DSC2: variants seen among roughly 807,000 people sequenced by gnomAD.
DSC2 encodes desmocollin 2, also known as desmocollin-2.
DSC2 carries 51 observed loss-of-function variants against 87.6 expected under a neutral mutation model. The observed-to-expected ratio is 0.58, with a 90% CI of 0.46 to 0.74. The LOEUF is 0.74. DSC2 is among the 30% of genes least tolerant of loss of function. The pLI is 0.00. For missense variants in DSC2, 1,066 were observed against 1,089.5 expected (o/e 0.98, Z 0.30); for synonymous variants, 383 against 393.2 (o/e 0.97, Z 0.31).
In DSC2 at chr18:31,065,781, G is replaced by A. The variant is rs1986600615; in HGVS notation, c.*2234C>T. 6.6e-6 allele frequency: 1 copy of A among 152,140 alleles called. No homozygotes were observed. 9.4% of individuals were successfully genotyped at this position (152,140 alleles called of 1,614,324 possible). Reference sequence around the variant, plus strand: ...AATTTGAACCTTACAGTTTCACAGTGTTTCAAACCAGGCAATCCCATACGA... The same window carrying A: ...AATTTGAACCTTACAGTTTCACAGTATTTCAAACCAGGCAATCCCATACGA... On this transcript the variant is annotated 3_prime_UTR_variant, in exon 16 of 16. Transcript: ENST00000280904.
In DSC2 at chr18:31,074,755, G is replaced by T. The variant is rs1598575823; in HGVS notation, c.1816C>A (p.Pro606Thr). The stretch of plus-strand genomic sequence containing the variant: ...CTCTCCAGACTAAAGTCAAAGGGTG[G>T]GCCATGGATAGGCTCATCAGGATCA... Reference protein sequence around the residue: ...AVDPDEPIHGPPFDFSLESST... With the variant: ...AVDPDEPIHGTPFDFSLESST... The change falls in exon 12 of 16, where the codon CCA becomes ACA. Residue 606 changes from proline to threonine, a missense_variant. Transcript: ENST00000280904. The T allele has an allele frequency of 6.2e-7, 1 of 1,613,914 alleles. No homozygotes were observed. The highest frequency in any genetic ancestry group is 8.5e-7 in the Non-Finnish European group (1 of 1,179,970).
chr18:31,067,375 C>G lies in DSC2; in HGVS notation c.*640G>C, dbSNP rs886053691. 6.6e-6 allele frequency: 1 copy of G among 151,688 alleles called. No homozygotes were observed. The highest frequency in any genetic ancestry group is 1.5e-5 in the Non-Finnish European group (1 of 67,902). The allele number at this position is 151,688 out of a possible 1,614,324, so 9.4% of individuals were successfully genotyped here. A position where few individuals can be genotyped will look rare whatever the true frequency, so the allele number is the denominator to read the frequency against. On this transcript the variant is annotated 3_prime_UTR_variant, in exon 16 of 16. Coordinates refer to ENST00000280904, the MANE Select transcript of DSC2 (RefSeq NM_024422.6). Reference sequence around the variant, plus strand: ...AATACATTCTGAAAGTATTTTAAAACTTAAATTTCACTGGCAAAAGTAGGT... The same window carrying G: ...AATACATTCTGAAAGTATTTTAAAAGTTAAATTTCACTGGCAAAAGTAGGT...
chr18:31,091,643 C>A, intron 3 of DSC2: 1 of 457,762 alleles, frequency 2.2e-6, no homozygotes, highest in South Asian at 1.5e-5. Flanking sequence ...TGGTTGAATA[C>A]AAGTTATTTT....
rs1044024376 is a variant in DSC2, at chr18:31,065,718, G to A, written c.*2297C>T. On this transcript the variant is annotated 3_prime_UTR_variant, in exon 16 of 16. Transcript: ENST00000280904. ...TAATTTTCATAGGGTGTTAGAATTA[G>A]TGCCCATTTTAAGAAGCAGATGTTC... 1 of 152,172 alleles carries A rather than the reference G, an allele frequency of 6.6e-6. No homozygotes were observed. Among genetic ancestry groups the A allele is most frequent in the African/African-American group, 2.4e-5 (1 of 41,450 alleles). The allele number at this position is 152,172 out of a possible 1,614,324, so 9.4% of individuals were successfully genotyped here.
At chr18:31,091,183 A>ATT (rs1280889586) in intron 3 of DSC2, 36 bp from the exon 4 acceptor site, 1 of 1,608,144 alleles carries the variant, frequency 6.2e-7, no homozygotes, top group Non-Finnish European at 8.5e-7. Flanking sequence ...AATAAAGTCA[A>ATT]TGACTACTTT....
chr18:31,092,323 T>A (rs1420856328), intron 2 of DSC2, 23 bp from the exon 3 acceptor site: 2 of 1,598,632 alleles, frequency 1.3e-6, no homozygotes, highest in African/African-American at 2.7e-5. Flanking sequence ...TGCACAGCAA[T>A]CATTTTTAAA....
rs1987169435 is a variant in DSC2, at chr18:31,080,239, AGTAACT to A, written c.1371_1376del (p.Thr459_Val460del). ...CCTCATCCTGATCTTCTACATTAACAGTAACTGTTGCTGTGCTCATGGCTGATCTTG... is the reference window on the plus strand; with the variant it reads ...CCTCATCCTGATCTTCTACATTAACAGTTGCTGTGCTCATGGCTGATCTTG... On this transcript the variant is annotated inframe_deletion, in exon 10 of 16. Transcript: ENST00000280904. 1 of 1,614,098 alleles carries A rather than the reference AGTAACT, an allele frequency of 6.2e-7. No individual in the cohort carries two copies. Among genetic ancestry groups the A allele is most frequent in the Non-Finnish European group, 8.5e-7 (1 of 1,179,994 alleles).
At chr18:31,076,527 T>C (rs908777584) in intron 11 of DSC2, among the ~76,000 whole-genome samples, 3 of 152,156 alleles carry the variant, frequency 2.0e-5, no homozygotes, top group Admixed American at 6.5e-5. Context: ...CTGAAACAGG[T>C]ATGTTTAGAA....
chr18:31,101,885 G>T lies in DSC2; in HGVS notation c.69+18C>A. Reference sequence around the variant, plus strand: ...CGATCGCCCCCTTCCCCGGAGCGGTGGCCGCGGCTACACTCACCGCGAGGG... The same window carrying T: ...CGATCGCCCCCTTCCCCGGAGCGGTTGCCGCGGCTACACTCACCGCGAGGG... On this transcript the variant is annotated intron_variant, in intron 1 of 15. Coordinates refer to ENST00000280904, the MANE Select transcript of DSC2 (RefSeq NM_024422.6). 6.5e-7 allele frequency: 1 copy of T among 1,530,832 alleles called. No homozygotes were observed. The allele number at this position is 1,530,832 out of a possible 1,614,324, so 94.8% of individuals were successfully genotyped here.
In DSC2 at chr18:31,071,772, C is replaced by T; in HGVS notation, c.1958G>A (p.Arg653Lys). 1 of 1,613,954 alleles carries T rather than the reference C, an allele frequency of 6.2e-7. No homozygotes were observed. The change falls in exon 13 of 16, where the codon AGA becomes AAA. Residue 653 changes from arginine to lysine, a missense_variant. Physicochemically the swap from Arg to Lys is conservative, Grantham distance 26 (BLOSUM62 2). Coordinates refer to ENST00000280904, the MANE Select transcript of DSC2 (RefSeq NM_024422.6). ...FGSYVVPITV[R>K]DRLGMSSVTS... ...GACACTAGACATGCCAAGTCTATCTCTCACTGTTATAGGTACTACATATGA... is the reference window on the plus strand; with the variant it reads ...GACACTAGACATGCCAAGTCTATCTTTCACTGTTATAGGTACTACATATGA...
At chr18:31,095,083 C>T (rs2144854075) in intron 1 of DSC2, among the ~76,000 whole-genome samples, 1 of 152,036 alleles carries the variant, frequency 6.6e-6, no homozygotes, top group Middle Eastern at 3.2e-3. Flanking sequence ...GCCAAGGCAG[C>T]GAGAGATAAA....
Position 31,059,479 on chromosome 18 carries a change from T to C in DSC2, c.*8536A>G, listed in dbSNP as rs1362890843. 3.9e-5 allele frequency: 6 copies of C among 152,216 alleles called. No homozygotes were observed. The highest frequency in any genetic ancestry group is 2.6e-4 in the Admixed American group (4 of 15,264). The allele number at this position is 152,216 out of a possible 1,614,324, so 9.4% of individuals were successfully genotyped here. A position where few individuals can be genotyped will look rare whatever the true frequency, so the allele number is the denominator to read the frequency against. ...TTAATCATTTACTGTAAATATAATA[T>C]GTTCAGTGAAAACTTTATTTATTAA... On this transcript the variant is annotated 3_prime_UTR_variant, in exon 16 of 16. Transcript: ENST00000280904.
At chr18:31,077,576 T>C (rs1001244001) in intron 11 of DSC2, among the ~76,000 whole-genome samples, 4 of 152,220 alleles carry the variant, frequency 2.6e-5, no homozygotes, top group African/African-American at 9.6e-5. Context: ...GAAGAACATT[T>C]AAGACCTCAG....
chr18:31,086,819 C>T (rs1987416776), intron 6 of DSC2, 77 bp from the exon 7 acceptor site: 3 of 1,524,686 alleles, frequency 2.0e-6, no homozygotes, highest in Non-Finnish European at 1.8e-6. Context: ...CCTTTTCACC[C>T]ACCTCAAAAA....
In DSC2 at chr18:31,101,921, C is replaced by T; in HGVS notation, c.51G>A (p.Leu17=). 2 of 1,531,426 alleles carry T rather than the reference C, an allele frequency of 1.3e-6. No individual in the cohort carries two copies. 94.9% of individuals were successfully genotyped at this position (1,531,426 alleles called of 1,614,324 possible). A position where few individuals can be genotyped will look rare whatever the true frequency, so the allele number is the denominator to read the frequency against. The part of the protein sequence containing the change: ...SGSWNGALCR[L]LLLTLAILIF... ...CACTCACCGCGAGGGTCAGCAGGAG[C>T]AGCCGGCAGAGGGCTCCGTTCCAGG... is the stretch of plus-strand genomic sequence containing the variant. Residue 17 remains leucine (L), a synonymous_variant, in exon 1 of 16, where the codon CTG becomes CTA. Transcript: ENST00000280904.
At chr18:31,093,453 C>T in intron 2 of DSC2, 106 bp downstream of exon 2, 1 of 831,390 alleles carries the variant, frequency 1.2e-6, no homozygotes, top group East Asian at 3.2e-5. Context: ...ATCCACATCC[C>T]TTCCAAGGGA....
At chr18:31,100,165 G>A (rs1987890848) in intron 1 of DSC2, among the ~76,000 whole-genome samples, 1 of 152,198 alleles carries the variant, frequency 6.6e-6, no homozygotes. Flanking sequence ...AAAACCAGCA[G>A]AATGAGAGTG....
chr18:31,067,752 T>C lies in DSC2; in HGVS notation c.*263A>G, dbSNP rs922313954. On this transcript the variant is annotated 3_prime_UTR_variant, in exon 16 of 16. Transcript: ENST00000280904. ...ATTGGCTGTTGTCATTATACCCAAA[T>C]GTAACAAATAAGGCAGACTTTAATT... 18 of 416,116 alleles carry C rather than the reference T, an allele frequency of 4.3e-5. No homozygotes were observed. Among genetic ancestry groups the C allele is most frequent in the African/African-American group, 3.4e-4 (17 of 49,420 alleles). 25.8% of individuals were successfully genotyped at this position (416,116 alleles called of 1,614,324 possible).
At chr18:31,068,779 T>C (rs2144782869) in intron 15 of DSC2, 115 bp downstream of exon 15, 1 of 1,331,974 alleles carries the variant, frequency 7.5e-7, no homozygotes, top group East Asian at 2.5e-5. Flanking sequence ...TAGCTTTCAA[T>C]TAGTAGAATT....
Sources: gnomAD v4.1 joint callset for allele counts (sites outside exome capture counted in the v4.1 genomes callset) on GRCh38, gnomAD v4.1.1 for gene constraint, MANE v1.5 for transcripts, NCBI Gene and HGNC (gene_info 2026-07-23, HGNC 2026-07-21) for gene names.